The following STAU2 variants were observed in gnomAD, a reference collection of about 807,000 sequenced individuals.
STAU2 encodes double-stranded RNA-binding protein Staufen homolog 2.
In STAU2, 20 loss-of-function variants were observed where a neutral mutation model predicts 65.9. That is an observed-to-expected ratio of 0.30 (90% CI 0.21 to 0.44). The LOEUF is 0.44. Ranked by LOEUF, STAU2 falls within the 20% of genes least tolerant of loss-of-function variation. The pLI, the probability that STAU2 is intolerant of heterozygous loss-of-function variation, is 1.00. For missense variants in STAU2, 558 were observed against 683.9 expected (o/e 0.82, Z 2.05); for synonymous variants, 232 against 233.9 (o/e 0.99, Z 0.07).
chr8:73,680,769 AAG>A (rs1312338268), intron 5 of STAU2, among the ~76,000 whole-genome samples: 1 of 152,028 alleles, frequency 6.6e-6, no homozygotes, highest in African/African-American at 2.4e-5. Context: ...ATAAATAAAA[AAG>A]AGTCACAACT....
intron 3 of STAU2, among the ~76,000 whole-genome samples, chr8:73,732,308 T>A (rs7015645): frequency 1.3e-5 from 2 of 152,206 alleles, no homozygotes; most frequent in Non-Finnish European, 2.9e-5. Flanking sequence ...GGGAAGGAGG[T>A]GGAGCCACAT....
At chr8:73,692,216 G>A (rs1343493768) in intron 4 of STAU2, among the ~76,000 whole-genome samples, 5 of 147,520 alleles carry the variant, frequency 3.4e-5, no homozygotes, top group South Asian at 2.1e-4. Flanking sequence ...TTTTTTCCCC[G>A]GAGATGGAGT....
intron 13 of STAU2, among the ~76,000 whole-genome samples, chr8:73,516,000 C>T (rs573662470): frequency 6.8e-6 from 1 of 146,398 alleles, no homozygotes; most frequent in Admixed American, 7.0e-5. Flanking sequence ...GTGATGTGAT[C>T]ATGACTCATT....
chr8:73,609,108 A>G (rs1412557244), intron 9 of STAU2, among the ~76,000 whole-genome samples: 1 of 152,150 alleles, frequency 6.6e-6, no homozygotes, highest in Non-Finnish European at 1.5e-5. Context: ...TGGGCCCAAA[A>G]CTTGAGGCAC....
chr8:73,709,535 C>G (rs929591472), intron 3 of STAU2, among the ~76,000 whole-genome samples: 3 of 152,034 alleles, frequency 2.0e-5, no homozygotes, highest in South Asian at 2.1e-4. Flanking sequence ...TGTCTACCTT[C>G]TTGATCGTTT....
At chr8:73,432,654 A>G in intron 13 of STAU2, among the ~76,000 whole-genome samples, 1 of 152,222 alleles carries the variant, frequency 6.6e-6, no homozygotes, top group East Asian at 1.9e-4. Flanking sequence ...ACTTTTTGTT[A>G]AATAAAAAAA....
intron 13 of STAU2, among the ~76,000 whole-genome samples, chr8:73,442,294 C>T (rs1818209267): frequency 7.0e-6 from 1 of 143,632 alleles, no homozygotes; most frequent in African/African-American, 2.6e-5. Context: ...GTGGAGCTTG[C>T]AGTGAGGCGA....
upstream of STAU2, chr8:73,746,891 G>T (rs1179702602): frequency 1.7e-6 from 1 of 573,524 alleles, no homozygotes; most frequent in Non-Finnish European, 2.2e-6. Flanking sequence ...CCCGCCCCCC[G>T]CCTCCGCCCG....
At chr8:73,576,146 T>A (rs1342322067) in intron 12 of STAU2, among the ~76,000 whole-genome samples, 1 of 152,046 alleles carries the variant, frequency 6.6e-6, no homozygotes, top group Non-Finnish European at 1.5e-5. Context: ...TATATTCCAC[T>A]CCCAGAAACT....
In STAU2 at chr8:73,704,854, A is replaced by G. The variant is rs140352354; in HGVS notation, c.114+4178T>C. 7.2e-4 allele frequency among the ~76,000 whole-genome samples: 110 copies of G among 152,206 alleles called. 2 individuals are homozygous for G. The East Asian group carries it at 0.014, about 19-fold the overall frequency. On this transcript the variant is annotated intron_variant, in intron 4 of 14. Transcript: ENST00000524300. ...TGGCTAATTTTTGTAGTTTTAGTAG[A>G]GACAGGGTTTCGCCATTTTGACCAG...
chr8:73,673,010 A>G (rs1817793895), intron 6 of STAU2, 97 bp downstream of exon 6: 1 of 1,189,458 alleles, frequency 8.4e-7, no homozygotes, highest in East Asian at 2.7e-5. Flanking sequence ...CCCAAGGTCA[A>G]TTAGATTTAC....
At chr8:73,446,754 C>T (rs748319152) in intron 13 of STAU2, among the ~76,000 whole-genome samples, 15 of 152,172 alleles carry the variant, frequency 9.9e-5, no homozygotes, top group South Asian at 2.1e-4. Flanking sequence ...AGATTACAGA[C>T]GTGAGCCATT....
intron 13 of STAU2, among the ~76,000 whole-genome samples, chr8:73,541,262 G>A (rs796751855): frequency 4.6e-5 from 7 of 152,002 alleles, no homozygotes; most frequent in African/African-American, 1.4e-4. Flanking sequence ...CAAAAAAAGT[G>A]GGCCCCAAAA....
intron 12 of STAU2, among the ~76,000 whole-genome samples, chr8:73,575,826 A>AACC (rs34559791): frequency 4.0e-3 from 2 of 502 alleles, no homozygotes. Flanking sequence ...ACACACAAAA[A>AACC]ACCACAAGTT....
At chr8:73,645,872 T>C (rs1350116235) in intron 6 of STAU2, among the ~76,000 whole-genome samples, 2 of 152,146 alleles carry the variant, frequency 1.3e-5, no homozygotes, top group Non-Finnish European at 2.9e-5. Flanking sequence ...TCACTCATTA[T>C]CACGAGAACA....
chr8:73,587,370 G>C (rs1810452466), intron 11 of STAU2, among the ~76,000 whole-genome samples: 1 of 152,152 alleles, frequency 6.6e-6, no homozygotes, highest in Non-Finnish European at 1.5e-5. Context: ...CCAAGAACAA[G>C]GGAAACTGTC....
intron 13 of STAU2, among the ~76,000 whole-genome samples, chr8:73,469,161 T>C (rs1263969444): frequency 6.6e-6 from 1 of 152,144 alleles, no homozygotes; most frequent in African/African-American, 2.4e-5. Flanking sequence ...TGTAGGGACA[T>C]AGATGAAGCT....
At chr8:73,451,839 G>C (rs1006922172) in intron 13 of STAU2, among the ~76,000 whole-genome samples, 1 of 152,158 alleles carries the variant, frequency 6.6e-6, no homozygotes, top group Non-Finnish European at 1.5e-5. Context: ...GGAAGTGCAG[G>C]TTCAACCCAA....
intron 4 of STAU2, among the ~76,000 whole-genome samples, chr8:73,703,435 T>A (rs1820265588): frequency 6.6e-6 from 1 of 152,208 alleles, no homozygotes; most frequent in Admixed American, 6.5e-5. Context: ...TTCTTATAAA[T>A]TAGCCAGTCT....
Sources: allele counts gnomAD v4.1 joint callset (sites outside exome capture counted in the v4.1 genomes callset), GRCh38; gene constraint gnomAD v4.1.1; transcripts MANE v1.5; gene names NCBI Gene and HGNC (gene_info 2026-07-23, HGNC 2026-07-21).